The following SORCS2 variants were observed in gnomAD, a reference collection of about 807,000 sequenced individuals.
SORCS2 encodes sortilin related VPS10 domain containing receptor 2.
A neutral mutation model predicts 141.6 loss-of-function variants in SORCS2; 100 were observed. That is an observed-to-expected ratio of 0.71 (90% CI 0.60 to 0.83). The LOEUF (loss-of-function observed/expected upper bound fraction) is 0.83. SORCS2 is among the 40% of genes least tolerant of loss of function. The probability of loss-of-function intolerance (pLI) is 0.00; values close to 1 mark genes in which losing one functional copy is unlikely to be tolerated. For missense variants in SORCS2, 1,646 were observed against 1,560.2 expected (o/e 1.05, Z -0.93); for synonymous variants, 789 against 676.9 (o/e 1.17, Z -2.57).
At chr4:7,600,198 T>C (rs1382407303) in intron 3 of SORCS2, among the ~76,000 whole-genome samples, 1 of 152,156 alleles carries the variant, frequency 6.6e-6, no homozygotes. Flanking sequence ...TCTAATTTGA[T>C]CAAAGGTGGA....
At chr4:7,470,843 C>T (rs993636490) in intron 2 of SORCS2, among the ~76,000 whole-genome samples, 1 of 152,376 alleles carries the variant, frequency 6.6e-6, no homozygotes, top group East Asian at 1.9e-4. Context: ...TTGCTGCATC[C>T]TCACCTAAAG....
chr4:7,277,284 G>GC (rs1207841621), intron 1 of SORCS2, among the ~76,000 whole-genome samples: 1 of 152,212 alleles, frequency 6.6e-6, no homozygotes, highest in Non-Finnish European at 1.5e-5. Context: ...GGAGCTTTAA[G>GC]CCAAAGGTTT....
intron 1 of SORCS2, among the ~76,000 whole-genome samples, chr4:7,283,222 A>G (rs1022155396): frequency 6.6e-6 from 1 of 152,218 alleles, no homozygotes; most frequent in Non-Finnish European, 1.5e-5. Context: ...CTGAGCATGC[A>G]TGTGTGATAT....
chr4:7,575,378 T>C (rs1424942490), intron 3 of SORCS2, among the ~76,000 whole-genome samples: 2 of 152,228 alleles, frequency 1.3e-5, no homozygotes, highest in African/African-American at 2.4e-5. Context: ...TTTTGAGATC[T>C]TTTATGTCCT....
At chr4:7,288,974 C>T (rs1716425563) in intron 1 of SORCS2, among the ~76,000 whole-genome samples, 1 of 151,562 alleles carries the variant, frequency 6.6e-6, no homozygotes, top group Admixed American at 6.6e-5. Context: ...CTTTGAGTTT[C>T]CACAGTGTTT....
At chr4:7,629,018 G>A (rs146425411) in intron 3 of SORCS2, among the ~76,000 whole-genome samples, 167 of 152,212 alleles carry the variant, frequency 1.1e-3, no homozygotes, top group African/African-American at 2.2e-3. Flanking sequence ...CGGTGGCCTC[G>A]GAGCTACCAG....
At chr4:7,492,005 G>T (rs928892788) in intron 2 of SORCS2, among the ~76,000 whole-genome samples, 7 of 152,198 alleles carry the variant, frequency 4.6e-5, no homozygotes, top group African/African-American at 1.7e-4. Context: ...GCAGGGCAGG[G>T]GCTAGAGATC....
At chr4:7,537,020 T>C (rs1044151875) in intron 3 of SORCS2, among the ~76,000 whole-genome samples, 3 of 152,258 alleles carry the variant, frequency 2.0e-5, no homozygotes, top group African/African-American at 7.2e-5. Context: ...GAGTACCCCT[T>C]GTCATGCTCC....
chr4:7,639,448 G>A (rs1238853442), intron 4 of SORCS2, among the ~76,000 whole-genome samples: 1 of 151,912 alleles, frequency 6.6e-6, no homozygotes, highest in African/African-American at 2.4e-5. Context: ...AAGTGTGTGA[G>A]TGCATGTGTG....
chr4:7,390,851 T>C (rs1445737929), intron 1 of SORCS2, among the ~76,000 whole-genome samples: 2 of 152,214 alleles, frequency 1.3e-5, no homozygotes, highest in Non-Finnish European at 2.9e-5. Flanking sequence ...GATTTCATGA[T>C]GTTTGGGGGT....
chr4:7,611,727 C>T (rs1005591121), intron 3 of SORCS2, among the ~76,000 whole-genome samples: 2 of 152,264 alleles, frequency 1.3e-5, no homozygotes, highest in Admixed American at 6.5e-5. Flanking sequence ...AGGAATCCTC[C>T]ATGGCACATG....
chr4:7,605,702 T>C (rs1308124240), intron 3 of SORCS2, among the ~76,000 whole-genome samples: 2 of 152,148 alleles, frequency 1.3e-5, no homozygotes, highest in African/African-American at 4.8e-5. Flanking sequence ...TTGGGATCCC[T>C]TGCTGTTTCA....
At chr4:7,559,213 C>A (rs1033110600) in intron 3 of SORCS2, among the ~76,000 whole-genome samples, 1 of 152,156 alleles carries the variant, frequency 6.6e-6, no homozygotes, top group Non-Finnish European at 1.5e-5. Context: ...AGGGCTGTGG[C>A]CCCCGTGCCC....
intron 11 of SORCS2, among the ~76,000 whole-genome samples, chr4:7,692,448 G>A (rs1724316259): frequency 6.6e-6 from 1 of 152,196 alleles, no homozygotes; most frequent in African/African-American, 2.4e-5. Flanking sequence ...AAAATGAGAG[G>A]ATAAAACCTC....
chr4:7,493,907 AAGTGTGTTAAC>A (rs1417665984), intron 2 of SORCS2, among the ~76,000 whole-genome samples: 2 of 152,210 alleles, frequency 1.3e-5, no homozygotes, highest in Non-Finnish European at 1.5e-5. Context: ...CAGGAAGTAA[AAGTGTGTTAAC>A]ACTGGGACAC....
At chr4:7,657,626 T>A (rs1305931590) in intron 5 of SORCS2, among the ~76,000 whole-genome samples, 1 of 144,132 alleles carries the variant, frequency 6.9e-6, no homozygotes, top group Non-Finnish European at 1.5e-5. Context: ...AGTCACTGAA[T>A]GAGTTAGTGA....
intron 1 of SORCS2, among the ~76,000 whole-genome samples, chr4:7,354,365 C>G (rs552140753): frequency 5.3e-4 from 80 of 152,264 alleles, no homozygotes; most frequent in African/African-American, 1.9e-3. Flanking sequence ...CAGGTACCCG[C>G]TGGGGGCTCA....
chr4:7,467,814 C>T (rs1490298173), intron 2 of SORCS2, among the ~76,000 whole-genome samples: 3 of 152,228 alleles, frequency 2.0e-5, no homozygotes, highest in Admixed American at 2.0e-4. Context: ...GGTCCCCGCA[C>T]AAGGGTTCCT....
At chr4:7,727,781 G>C (rs993864036) in intron 21 of SORCS2, among the ~76,000 whole-genome samples, 2 of 152,226 alleles carry the variant, frequency 1.3e-5, no homozygotes, top group African/African-American at 2.4e-5. Context: ...GAGAAGTGGA[G>C]AGGTTAAAGT....
Sources: allele counts gnomAD v4.1 joint callset (sites outside exome capture counted in the v4.1 genomes callset), GRCh38; gene constraint gnomAD v4.1.1; transcripts MANE v1.5; gene names NCBI Gene and HGNC (gene_info 2026-07-23, HGNC 2026-07-21).